Variants in NME9 observed in about 807,000 individuals in gnomAD.
NME9 encodes thioredoxin domain-containing protein 6.
Under a neutral mutation model 44.4 loss-of-function variants are expected in NME9, and 48 were observed. That is an observed-to-expected ratio of 1.08 (90% CI 0.86 to 1.37). The LOEUF is 1.37. Among genes scored for constraint, NME9 ranks in the 40% most tolerant of loss-of-function variants. The pLI is 0.00. For missense variants in NME9, 325 were observed against 405.2 expected (o/e 0.80, Z 1.70); for synonymous variants, 139 against 147.1 (o/e 0.94, Z 0.40).
chr3:138,315,709 A>G (rs886920613), intron 4 of NME9, 66 bp from the exon 5 acceptor site: 206 of 1,302,928 alleles, frequency 1.6e-4, no homozygotes, highest in Non-Finnish European at 2.0e-4. Context: ...AGAGATGGCA[A>G]GAGTGTCTAG....
chr3:138,280,594 C>T (rs933842956), intron 8 of NME9, among the ~76,000 whole-genome samples: 2 of 151,432 alleles, frequency 1.3e-5, no homozygotes, highest in African/African-American at 2.4e-5. Context: ...TCCGGGTTCA[C>T]GCCATTCTCC....
chr3:138,318,035 TTGG>T (rs1221844290), intron 4 of NME9, 110 bp downstream of exon 4: 9 of 738,730 alleles, frequency 1.2e-5, no homozygotes, highest in African/African-American at 1.0e-4. Context: ...GTGAGGCCTC[TTGG>T]TGGTTCCCAT....
At chr3:138,299,942 CCACA>C (rs1040520492), downstream of NME9, among the ~76,000 whole-genome samples, 1 of 152,156 alleles carries the variant, frequency 6.6e-6, no homozygotes, top group Admixed American at 6.5e-5. Context: ...TCATTCAGAG[CCACA>C]CACACCTGTG....
chr3:138,275,563 A>C (rs750575258), intron 8 of NME9, among the ~76,000 whole-genome samples: 8 of 152,162 alleles, frequency 5.3e-5, no homozygotes, highest in Non-Finnish European at 1.2e-4. Context: ...TGTCTCAAAA[A>C]AAAAAAAATT....
At chr3:138,327,340 G>A (rs986861600) in intron 1 of NME9, among the ~76,000 whole-genome samples, 9 of 151,946 alleles carry the variant, frequency 5.9e-5, no homozygotes, top group Non-Finnish European at 1.3e-4. Context: ...TGATAGAAGC[G>A]TTCGGAAGGG....
At chr3:138,286,514 T>C (rs1356192536) in intron 8 of NME9, among the ~76,000 whole-genome samples, 1 of 152,210 alleles carries the variant, frequency 6.6e-6, no homozygotes, top group Non-Finnish European at 1.5e-5. Context: ...CCTCCCTACC[T>C]ATCTCTGGAC....
At chr3:138,281,827 G>A (rs1340114421) in intron 8 of NME9, among the ~76,000 whole-genome samples, 1 of 152,170 alleles carries the variant, frequency 6.6e-6, no homozygotes, top group Non-Finnish European at 1.5e-5. Flanking sequence ...GTAAGAGGGG[G>A]TAGCTGTTTT....
chr3:138,264,919 A>T (rs2048127806), intron 8 of NME9, among the ~76,000 whole-genome samples: 1 of 150,128 alleles, frequency 6.7e-6, no homozygotes. Context: ...TTAAATAGAC[A>T]CAGGGTCTCA....
chr3:138,294,157 A>G (rs192339333), intron 8 of NME9, among the ~76,000 whole-genome samples: 22 of 152,348 alleles, frequency 1.4e-4, no homozygotes, highest in Admixed American at 1.4e-3. Context: ...CAGAATTTCA[A>G]TCAAGACCCT....
rs1218506429 is a variant in NME9 at position 138,329,379 on chromosome 3, C to A, written c.-44G>T. On this transcript the variant is annotated 5_prime_UTR_variant, in exon 1 of 11. Transcript: ENST00000333911. Reference sequence around the variant, plus strand: ...AAGCCCTGTTACCGCGGCCGTGGGCCGTTCCCCCGCAGCCTCGCGACAAAC... The same window carrying A: ...AAGCCCTGTTACCGCGGCCGTGGGCAGTTCCCCCGCAGCCTCGCGACAAAC... 3 of 1,535,720 alleles carry A rather than the reference C, an allele frequency of 2.0e-6. No individual in the cohort carries two copies. The highest frequency in any genetic ancestry group is 1.2e-5 in the South Asian group (1 of 83,948).
At chr3:138,328,848 CAGT>C (rs916077790) in intron 1 of NME9, among the ~76,000 whole-genome samples, 3 of 152,156 alleles carry the variant, frequency 2.0e-5, no homozygotes, top group Non-Finnish European at 2.9e-5. Context: ...TTGATGAGAA[CAGT>C]GGTGGGAAAA....
intron 8 of NME9, among the ~76,000 whole-genome samples, chr3:138,305,416 G>T (rs958353168): frequency 6.6e-6 from 1 of 152,052 alleles, no homozygotes; most frequent in African/African-American, 2.4e-5. Flanking sequence ...TCCATGCAAT[G>T]CCTCACAACC....
chr3:138,262,694 A>G, intron 8 of NME9: 1 of 1,090,980 alleles, frequency 9.2e-7, no homozygotes, highest in Non-Finnish European at 1.2e-6. Context: ...AAAAAAAAAA[A>G]TCTCCCCAGG....
downstream of NME9, chr3:138,296,680 T>TTCAGTAAGTTC (rs1433758826): frequency 6.6e-6 from 1 of 152,202 alleles, no homozygotes; most frequent in South Asian, 2.1e-4. Context: ...TTCATCCTAA[T>TTCAGTAAGTTC]TCAGTAAGTT....
At chr3:138,307,518 C>T (rs901823359) in intron 6 of NME9, among the ~76,000 whole-genome samples, 19 of 152,188 alleles carry the variant, frequency 1.2e-4, no homozygotes, top group African/African-American at 4.6e-4. Context: ...TGAAAAATCT[C>T]AAAAACATGT....
At chr3:138,295,146 T>C (rs1351363191) in intron 8 of NME9, among the ~76,000 whole-genome samples, 2 of 152,016 alleles carry the variant, frequency 1.3e-5, no homozygotes, top group Non-Finnish European at 2.9e-5. Flanking sequence ...TGATCTGCCC[T>C]CCTCAGCCTC....
intron 8 of NME9, among the ~76,000 whole-genome samples, chr3:138,270,586 G>A (rs897495783): frequency 1.9e-4 from 29 of 152,066 alleles, no homozygotes; most frequent in African/African-American, 7.0e-4. Context: ...AAAATTATGT[G>A]TGTTTATAAA....
At chr3:138,263,750 T>C (rs190308837) in intron 8 of NME9, 17 of 1,613,974 alleles carry the variant, frequency 1.1e-5, no homozygotes, top group Non-Finnish European at 1.3e-5. Flanking sequence ...TCATTGAGAC[T>C]GAAAATATGA....
chr3:138,274,475 T>C (rs375668973), intron 8 of NME9: 14 of 1,611,310 alleles, frequency 8.7e-6, no homozygotes, highest in African/African-American at 5.3e-5. Context: ...TGAGTACTCA[T>C]GGAAAGCAAA....
Sources: gnomAD v4.1 joint callset for allele counts (sites outside exome capture counted in the v4.1 genomes callset) on GRCh38, gnomAD v4.1.1 for gene constraint, MANE v1.5 for transcripts, NCBI Gene and HGNC (gene_info 2026-07-23, HGNC 2026-07-21) for gene names.